Variants in PTP4A2 observed in about 807,000 individuals in gnomAD.
The protein encoded by PTP4A2 is protein tyrosine phosphatase type IVA 2.
A neutral mutation model predicts 22.9 loss-of-function variants in PTP4A2; 2 were observed. That is an observed-to-expected ratio of 0.09 (90% CI 0.04 to 0.27). The LOEUF (loss-of-function observed/expected upper bound fraction) is 0.27, where lower values mean the gene tolerates loss of function less well. Ranked by LOEUF, PTP4A2 falls within the 10% of genes least tolerant of loss-of-function variation. The pLI, the probability that PTP4A2 is intolerant of heterozygous loss-of-function variation, is 1.00. For missense variants in PTP4A2, 103 were observed against 205.1 expected (o/e 0.50, Z 3.04); for synonymous variants, 68 against 69.1 (o/e 0.98, Z 0.08).
chr1:31,913,648 T>G lies in PTP4A2; in HGVS notation c.190-1822A>C, dbSNP rs1651663846. The G allele has an allele frequency of 1.1e-5, 4 of 354,778 alleles. No homozygotes were observed. In the Admixed American group the frequency reaches 1.6e-4, roughly 14 times the overall value. The allele number at this position is 354,778 out of a possible 1,614,324, so 22.0% of individuals were successfully genotyped here. Reference sequence around the variant, plus strand: ...GTGGTATCATATTGTGCTTTTGATTTGCATTTCCCAGATCACAGCTATTTA... The same window carrying G: ...GTGGTATCATATTGTGCTTTTGATTGGCATTTCCCAGATCACAGCTATTTA... On this transcript the variant is annotated intron_variant, in intron 3 of 5. Coordinates refer to ENST00000647444, the MANE Select transcript of PTP4A2 (RefSeq NM_080391.4).
rs1380368957 is a variant in PTP4A2 at position 31,907,465 on chromosome 1, TC to T, written c.*1386del. 15 of 152,024 alleles carry T rather than the reference TC, an allele frequency of 9.9e-5. No individual in the cohort carries two copies. The highest frequency in any genetic ancestry group is 1.9e-4 in the Non-Finnish European group (13 of 68,044). 9.4% of individuals were successfully genotyped at this position (152,024 alleles called of 1,614,324 possible). On this transcript the variant is annotated 3_prime_UTR_variant, in exon 6 of 6. Coordinates refer to ENST00000647444, the MANE Select transcript of PTP4A2 (RefSeq NM_080391.4). ...CTACACCGCTTCACAAGCAACACAGTCCCTTCACTACTCATTGGGTTGCACG... is the reference window on the plus strand; with the variant it reads ...CTACACCGCTTCACAAGCAACACAGTCCTTCACTACTCATTGGGTTGCACG...
chr1:31,907,930 G>A lies in PTP4A2; in HGVS notation c.*922C>T, dbSNP rs1265603586. 1 of 150,928 alleles carries A rather than the reference G, an allele frequency of 6.6e-6. No homozygotes were observed. The highest frequency in any genetic ancestry group is 2.4e-5 in the African/African-American group (1 of 41,000). The allele number at this position is 150,928 out of a possible 1,614,324, so 9.3% of individuals were successfully genotyped here. A position where few individuals can be genotyped will look rare whatever the true frequency, so the allele number is the denominator to read the frequency against. On this transcript the variant is annotated 3_prime_UTR_variant, in exon 6 of 6. Transcript: ENST00000647444. ...CCACTTAGCTTCATTGGTTAGGGAA[G>A]AGAAGAATTCGACTCTCAGGTAAGT...
rs554295366 is a variant in PTP4A2, at chr1:31,932,656, C to T, written c.-594+5331G>A. 5.9e-5 allele frequency: 9 copies of T among 152,308 alleles called. No individual in the cohort carries two copies. In the East Asian group the frequency reaches 1.5e-3, roughly 26 times the overall value. The allele number at this position is 152,308 out of a possible 1,614,324, so 9.4% of individuals were successfully genotyped here. ...CTGACTGAACAAACAGTGCAGGAAA[C>T]GAGTCATTCTCTCACCTAAGTCCTG... On this transcript the variant is annotated intron_variant, in intron 1 of 5. Coordinates refer to ENST00000647444, the MANE Select transcript of PTP4A2 (RefSeq NM_080391.4).
rs1452161602 is a variant in PTP4A2 at position 31,919,528 on chromosome 1, G to C, written c.-463C>G. ...AGTCTCGGTGTCCAGGAGTCTTCAA[G>C]GCAATGTTAATTATGGCACATAGAA... On this transcript the variant is annotated 5_prime_UTR_variant, in exon 2 of 6. Coordinates refer to ENST00000647444, the MANE Select transcript of PTP4A2 (RefSeq NM_080391.4). 1 of 151,642 alleles carries C rather than the reference G, an allele frequency of 6.6e-6. No individual in the cohort carries two copies. The highest frequency in any genetic ancestry group is 2.4e-5 in the African/African-American group (1 of 40,962). 9.4% of individuals were successfully genotyped at this position (151,642 alleles called of 1,614,324 possible).
At chr1:31,926,271 C>T (rs1336179104) in intron 1 of PTP4A2, among the ~76,000 whole-genome samples, 1 of 150,898 alleles carries the variant, frequency 6.6e-6, no homozygotes, top group Non-Finnish European at 1.5e-5. Context: ...TGGTGAGCTA[C>T]GCCAGTATTC....
chr1:31,934,777 T>A (rs1652864017), intron 1 of PTP4A2, among the ~76,000 whole-genome samples: 1 of 152,194 alleles, frequency 6.6e-6, no homozygotes, highest in Non-Finnish European at 1.5e-5. Context: ...CATTTACTCT[T>A]CCTAGTGCTA....
intron 3 of PTP4A2, chr1:31,912,923 C>T (rs917832295): frequency 2.4e-6 from 1 of 413,402 alleles, no homozygotes; most frequent in African/African-American, 2.1e-5. Context: ...AATTAAAGGA[C>T]TGTGTTATTA....
chr1:31,928,438 G>A (rs1029598177), intron 1 of PTP4A2, among the ~76,000 whole-genome samples: 5 of 151,258 alleles, frequency 3.3e-5, no homozygotes, highest in East Asian at 1.9e-4. Flanking sequence ...GATGGCTTAC[G>A]CCTGTAATCC....
intron 1 of PTP4A2, chr1:31,933,941 CATAACTAA>C (rs930969772): frequency 1.3e-5 from 2 of 152,154 alleles, no homozygotes; most frequent in African/African-American, 4.8e-5. Flanking sequence ...ATTCGATAAA[CATAACTAA>C]GTCCACCATG....
Position 31,937,972 on chromosome 1 carries a change from G to C in PTP4A2, c.-594+15C>G, listed in dbSNP as rs1448266102. On this transcript the variant is annotated intron_variant, in intron 1 of 5. Coordinates refer to ENST00000647444, the MANE Select transcript of PTP4A2 (RefSeq NM_080391.4). ...CGGCGCCGGCGCGGGGGCCGCCCGG[G>C]AGGGGCGCACTCACGCTGGCGAGCT... 6.6e-6 allele frequency: 1 copy of C among 152,298 alleles called. No homozygotes were observed. The highest frequency in any genetic ancestry group is 1.5e-5 in the Non-Finnish European group (1 of 67,948). 9.4% of individuals were successfully genotyped at this position (152,298 alleles called of 1,614,324 possible). A position where few individuals can be genotyped will look rare whatever the true frequency, so the allele number is the denominator to read the frequency against.
chr1:31,908,798 C>T lies in PTP4A2; in HGVS notation c.*54G>A. On this transcript the variant is annotated 3_prime_UTR_variant, in exon 6 of 6. Transcript: ENST00000647444. The stretch of plus-strand genomic sequence containing the variant: ...TATTCCAGATTCACATTTCCAGGTA[C>T]CAAGAGTTCCCTCTAAATGGCACAA... 1 of 1,278,208 alleles carries T rather than the reference C, an allele frequency of 7.8e-7. No individual in the cohort carries two copies. The highest frequency in any genetic ancestry group is 2.3e-5 in the East Asian group (1 of 43,118). The allele number at this position is 1,278,208 out of a possible 1,614,324, so 79.2% of individuals were successfully genotyped here.
At chr1:31,937,855 C>G (rs922655502) in intron 1 of PTP4A2, 132 bp downstream of exon 1, 2 of 152,502 alleles carry the variant, frequency 1.3e-5, no homozygotes, top group Admixed American at 6.6e-5. Flanking sequence ...CGCTCCCCCG[C>G]CCCGGCCCGG....
chr1:31,927,120 T>G (rs192208557), intron 1 of PTP4A2, among the ~76,000 whole-genome samples: 82 of 152,162 alleles, frequency 5.4e-4, no homozygotes, highest in Non-Finnish European at 1.1e-3. Context: ...AAATGATGCC[T>G]CTCCAAATGA....
rs1651325056 is a variant in PTP4A2 at position 31,908,175 on chromosome 1, TATATATATATATATATATATA to T, written c.*656_*676del. 4.1e-5 allele frequency: 1 copy of T among 24,328 alleles called. No homozygotes were observed. The highest frequency in any genetic ancestry group is 7.1e-5 in the Non-Finnish European group (1 of 14,148). The allele number at this position is 24,328 out of a possible 1,614,324, so 1.5% of individuals were successfully genotyped here. The stretch of plus-strand genomic sequence containing the variant: ...ATATATATATATATATATATATATA[TATATATATATATATATATATA>T]TATATATATATCACTGCTGTTTTTT... On this transcript the variant is annotated 3_prime_UTR_variant, in exon 6 of 6. Coordinates refer to ENST00000647444, the MANE Select transcript of PTP4A2 (RefSeq NM_080391.4).
rs1348808904 is a variant in PTP4A2 at position 31,906,526 on chromosome 1, G to A, written c.*2326C>T. On this transcript the variant is annotated 3_prime_UTR_variant, in exon 6 of 6. Transcript: ENST00000647444. ...ATCTGACATCTCTCTATGTCAAACT[G>A]GCTTCAGCTAGCAATACTTCATTAA... The A allele has an allele frequency of 6.6e-6, 1 of 151,948 alleles. No individual in the cohort carries two copies. Among genetic ancestry groups the A allele is most frequent in the Non-Finnish European group, 1.5e-5 (1 of 67,992 alleles). The allele number at this position is 151,948 out of a possible 1,614,324, so 9.4% of individuals were successfully genotyped here.
intron 1 of PTP4A2, among the ~76,000 whole-genome samples, chr1:31,936,256 A>G (rs974104932): frequency 5.3e-5 from 8 of 151,956 alleles, no homozygotes; most frequent in African/African-American, 1.9e-4. Flanking sequence ...CTGGCCAACA[A>G]GGTGAAACCC....
chr1:31,923,535 C>T (rs1419825608), intron 1 of PTP4A2, among the ~76,000 whole-genome samples: 1 of 150,254 alleles, frequency 6.7e-6, no homozygotes, highest in Non-Finnish European at 1.5e-5. Flanking sequence ...GGGGTTTCAC[C>T]GTGTTAGCCA....
intron 1 of PTP4A2, among the ~76,000 whole-genome samples, chr1:31,931,494 T>C (rs537848925): frequency 6.6e-6 from 1 of 152,296 alleles, no homozygotes; most frequent in South Asian, 2.1e-4. Flanking sequence ...ATTGCCATAT[T>C]TATGGGCCTC....
intron 1 of PTP4A2, among the ~76,000 whole-genome samples, chr1:31,920,836 C>G (rs1652115591): frequency 6.6e-6 from 1 of 152,110 alleles, no homozygotes; most frequent in Admixed American, 6.5e-5. Context: ...CTGCGCCTGG[C>G]CCATGAACTC....
Sources: allele counts gnomAD v4.1 joint callset (sites outside exome capture counted in the v4.1 genomes callset), GRCh38; gene constraint gnomAD v4.1.1; transcripts MANE v1.5; gene names NCBI Gene and HGNC (gene_info 2026-07-23, HGNC 2026-07-21).